The following TIGD5 variants were observed in gnomAD, a reference collection of about 807,000 sequenced individuals.
The protein encoded by TIGD5 is tigger transposable element derived 5, also known as tigger transposable element-derived protein 5.
A neutral mutation model predicts 28.8 loss-of-function variants in TIGD5; 24 were observed. The ratio of observed to expected loss-of-function variants is 0.83; its 90% CI spans 0.60 to 1.17. The LOEUF is 1.17. Among genes scored for constraint, TIGD5 ranks in the 50% most tolerant of loss-of-function variants. The pLI is 0.00. For missense variants in TIGD5, 922 were observed against 911.4 expected (o/e 1.01, Z -0.15); for synonymous variants, 538 against 430.5 (o/e 1.25, Z -3.09).
chr8:143,599,380 A>G lies in TIGD5; in HGVS notation c.1477A>G (p.Ser493Gly). ...CTTCGAGCCCCGGCCCGGCGAGGAC[A>G]GTGCTGGGCAGCCGGCCCAGGCCGA... ...AAFEPRPGED[S>G]AGQPAQAEEA... The change falls in exon 1 of 1, where the codon AGT becomes GGT. Residue 493 changes from serine to glycine, a missense_variant. Coordinates refer to ENST00000504548, the MANE Select transcript of TIGD5 (RefSeq NM_032862.5). 2 of 1,569,800 alleles carry G rather than the reference A, an allele frequency of 1.3e-6. No homozygotes were observed. The highest frequency in any genetic ancestry group is 2.4e-5 in the East Asian group (1 of 42,248).
rs1829250237 is a variant in TIGD5 at position 143,600,907 on chromosome 8, GCCT to G, written c.*1080_*1082del. Reference sequence around the variant, plus strand: ...TTGGACTGGGGCCAGGGATGCCCATGCCTCCTCAGGTAGGGTGGGAACTGCCTT... The same window carrying G: ...TTGGACTGGGGCCAGGGATGCCCATGCCTCAGGTAGGGTGGGAACTGCCTT... On this transcript the variant is annotated 3_prime_UTR_variant, in exon 1 of 1. Coordinates refer to ENST00000504548, the MANE Select transcript of TIGD5 (RefSeq NM_032862.5). 6.6e-6 allele frequency: 1 copy of G among 152,554 alleles called. No individual in the cohort carries two copies. Among genetic ancestry groups the G allele is most frequent in the Admixed American group, 6.5e-5 (1 of 15,296 alleles). The allele number at this position is 152,554 out of a possible 1,614,324, so 9.5% of individuals were successfully genotyped here. A position where few individuals can be genotyped will look rare whatever the true frequency, so the allele number is the denominator to read the frequency against.
Position 143,598,292 on chromosome 8 carries a change from C to T in TIGD5, c.389C>T (p.Ala130Val). ...NEEEIDRAVY[A>V]WFLALRQHGV... The stretch of plus-strand genomic sequence containing the variant: ...GAGGAGATCGACCGCGCCGTGTACG[C>T]CTGGTTCCTGGCGCTGCGCCAGCAC... Residue 130 changes from alanine to valine, a missense_variant, in exon 1 of 1, where the codon GCC becomes GTC. Transcript: ENST00000504548. The surrounding 1 kb of genome is among the most constrained non-coding windows in gnomAD (Gnocchi z 6.6). 6.2e-7 allele frequency: 1 copy of T among 1,609,628 alleles called. No individual in the cohort carries two copies. The highest frequency in any genetic ancestry group is 8.5e-7 in the Non-Finnish European group (1 of 1,178,714).
chr8:143,597,890 C>T lies in TIGD5; in HGVS notation c.-14C>T, dbSNP rs1035192311. On this transcript the variant is annotated 5_prime_UTR_variant, in exon 1 of 1. Transcript: ENST00000504548. ...CCCGCGACCCGCGCGGCCCGGGTCC[C>T]CCCCGCCGCAGCCATGTACCCCGCG... The T allele has an allele frequency of 9.6e-5, 81 of 844,474 alleles. No homozygotes were observed. The Admixed American group carries it at 1.3e-3, about 14-fold the overall frequency. The allele number at this position is 844,474 out of a possible 1,614,324, so 52.3% of individuals were successfully genotyped here.
At position 143,598,933 on chromosome 8, in the gene TIGD5, C is replaced by T. The variant is rs1315431778; in HGVS notation, c.1030C>T (p.Leu344=). 5 of 1,591,270 alleles carry T rather than the reference C, an allele frequency of 3.1e-6. No individual in the cohort carries two copies. Among genetic ancestry groups the T allele is most frequent in the East Asian group, 2.2e-5 (1 of 44,530 alleles). ...EEFVPGVKRY[L]RRSCLQQKAV... ...ATTTGTCCCAGGCGTCAAACGCTAC[C>T]TGCGCCGAAGCTGCCTGCAGCAGAA... Residue 344 remains leucine, a synonymous_variant, in exon 1 of 1, where the codon CTG becomes TTG. Transcript: ENST00000504548. The surrounding 1 kb of genome is among the most constrained non-coding windows in gnomAD (Gnocchi z 6.6).
chr8:143,601,561 TGTC>T lies in TIGD5; in HGVS notation c.*1730_*1732del, dbSNP rs1829263258. The T allele has an allele frequency of 6.6e-6, 1 of 152,316 alleles. No individual in the cohort carries two copies. The highest frequency in any genetic ancestry group is 2.1e-4 in the South Asian group (1 of 4,840). 9.4% of individuals were successfully genotyped at this position (152,316 alleles called of 1,614,324 possible). A position where few individuals can be genotyped will look rare whatever the true frequency, so the allele number is the denominator to read the frequency against. ...CAGTGAGGGCTGCATAGCCAGGCCT[TGTC>T]TGTAGTCTGGGCGGCCCGTGGCGCT... On this transcript the variant is annotated 3_prime_UTR_variant, in exon 1 of 1. Transcript: ENST00000504548.
chr8:143,598,281 C>T lies in TIGD5; in HGVS notation c.378C>T (p.Arg126=). Residue 126 remains arginine, a synonymous_variant, in exon 1 of 1, where the codon CGC becomes CGT. Coordinates refer to ENST00000504548, the MANE Select transcript of TIGD5 (RefSeq NM_032862.5). This position sits in a 1 kb window ranked among gnomAD's most constrained non-coding sequence, Gnocchi z 6.6. ...MRLANEEEID[R]AVYAWFLALR... is the part of the protein sequence containing the mutation. ...TGGCCAACGAGGAGGAGATCGACCG[C>T]GCCGTGTACGCCTGGTTCCTGGCGC... is the stretch of plus-strand genomic sequence containing the variant. 6.2e-7 allele frequency: 1 copy of T among 1,609,702 alleles called. No individual in the cohort carries two copies. The highest frequency in any genetic ancestry group is 8.5e-7 in the Non-Finnish European group (1 of 1,178,714).
rs772462744 is a variant in TIGD5, at chr8:143,598,803, G to T, written c.900G>T (p.Pro300=). The T allele has an allele frequency of 1.9e-6, 3 of 1,599,550 alleles. No homozygotes were observed. Among genetic ancestry groups the T allele is most frequent in the Non-Finnish European group, 1.7e-6 (2 of 1,179,168 alleles). ...KPLVIGRLPD[P]PSLRHHNQDK... is the part of the protein sequence containing the mutation. ...TGGTCATCGGGCGGCTGCCGGACCC[G>T]CCCAGCCTGCGCCACCACAACCAGG... Residue 300 remains proline (P), a synonymous_variant, in exon 1 of 1, where the codon CCG becomes CCT. Transcript: ENST00000504548. The surrounding 1 kb of genome is among the most constrained non-coding windows in gnomAD (Gnocchi z 6.6).
Position 143,599,529 on chromosome 8 carries a change from C to A in TIGD5, c.1626C>A (p.Pro542=). ...WLHLDDDGGP[P]EGCREEVGPA... ...ACCTGGACGATGATGGGGGTCCGCCCGAGGGCTGCAGGGAGGAGGTGGGCC... is the reference window on the plus strand; with the variant it reads ...ACCTGGACGATGATGGGGGTCCGCCAGAGGGCTGCAGGGAGGAGGTGGGCC... Residue 542 remains proline (P), a synonymous_variant, in exon 1 of 1, where the codon CCC becomes CCA. Transcript: ENST00000504548. 1.9e-6 allele frequency: 3 copies of A among 1,581,850 alleles called. No homozygotes were observed. The highest frequency in any genetic ancestry group is 2.6e-6 in the Non-Finnish European group (3 of 1,165,480).
At position 143,598,302 on chromosome 8, in the gene TIGD5, G is replaced by T; in HGVS notation, c.399G>T (p.Leu133=). 1 of 1,609,434 alleles carries T rather than the reference G, an allele frequency of 6.2e-7. No individual in the cohort carries two copies. The highest frequency in any genetic ancestry group is 1.1e-5 in the South Asian group (1 of 90,838). The change falls in exon 1 of 1, where the codon CTG becomes CTT. Residue 133 remains leucine (L), a synonymous_variant. Coordinates refer to ENST00000504548, the MANE Select transcript of TIGD5 (RefSeq NM_032862.5). The surrounding 1 kb of genome is among the most constrained non-coding windows in gnomAD (Gnocchi z 6.6). ...EIDRAVYAWF[L]ALRQHGVPLS... ...ACCGCGCCGTGTACGCCTGGTTCCT[G>T]GCGCTGCGCCAGCACGGGGTGCCGC...
chr8:143,602,010 T>C lies in TIGD5; in HGVS notation c.*2178T>C, dbSNP rs1829272175. ...ACTCAGGAGGCTGAGGCACGAGAAA[T>C]GCTTGAAGCCAGAAGGCAGAGATTG... On this transcript the variant is annotated 3_prime_UTR_variant, in exon 1 of 1. Transcript: ENST00000504548. 6.6e-6 allele frequency: 1 copy of C among 150,518 alleles called. No homozygotes were observed. Among genetic ancestry groups the C allele is most frequent in the African/African-American group, 2.5e-5 (1 of 40,696 alleles). The allele number at this position is 150,518 out of a possible 1,614,324, so 9.3% of individuals were successfully genotyped here.
Position 143,598,041 on chromosome 8 carries a change from G to A in TIGD5, c.138G>A (p.Val46=). Reference sequence around the variant, plus strand: ...CCGCGCCCGGGCCGCGGCCCCGCGTGGCCGTGAAGATGGCCTTCCGCAAGG... The same window carrying A: ...CCGCGCCCGGGCCGCGGCCCCGCGTAGCCGTGAAGATGGCCTTCCGCAAGG... ...PPPAPGPRPR[V]AVKMAFRKAY... The change falls in exon 1 of 1, where the codon GTG becomes GTA. Residue 46 remains valine (V), a synonymous_variant. Transcript: ENST00000504548. The surrounding 1 kb of genome is among the most constrained non-coding windows in gnomAD (Gnocchi z 6.6). 3.0e-6 allele frequency: 4 copies of A among 1,346,884 alleles called. No individual in the cohort carries two copies. Among genetic ancestry groups the A allele is most frequent in the Non-Finnish European group, 3.8e-6 (4 of 1,051,146 alleles). The allele number at this position is 1,346,884 out of a possible 1,614,324, so 83.4% of individuals were successfully genotyped here.
rs763387113 is a variant in TIGD5, at chr8:143,599,538, C to T, written c.1635C>T (p.Cys545=). 1 of 1,578,584 alleles carries T rather than the reference C, an allele frequency of 6.3e-7. No homozygotes were observed. Among genetic ancestry groups the T allele is most frequent in the South Asian group, 1.2e-5 (1 of 86,842 alleles). ...ATGATGGGGGTCCGCCCGAGGGCTG[C>T]AGGGAGGAGGTGGGCCCAGCCCTGC... The part of the protein sequence containing the change: ...LDDDGGPPEG[C]REEVGPALPP... The change falls in exon 1 of 1, where the codon TGC becomes TGT. Residue 545 remains cysteine (C), a synonymous_variant. Coordinates refer to ENST00000504548, the MANE Select transcript of TIGD5 (RefSeq NM_032862.5).
chr8:143,597,839 C>T lies in TIGD5; in HGVS notation c.-65C>T. ...CGTGCGGCCCCGCCCCCGAGTGCCCCGCCCCGAGCGGCTGGGCGTGTGGCT... is the reference window on the plus strand; with the variant it reads ...CGTGCGGCCCCGCCCCCGAGTGCCCTGCCCCGAGCGGCTGGGCGTGTGGCT... On this transcript the variant is annotated 5_prime_UTR_variant, in exon 1 of 1. Transcript: ENST00000504548. The T allele has an allele frequency of 2.8e-6, 1 of 359,162 alleles. No individual in the cohort carries two copies. Among genetic ancestry groups the T allele is most frequent in the Non-Finnish European group, 3.9e-6 (1 of 259,730 alleles). 22.2% of individuals were successfully genotyped at this position (359,162 alleles called of 1,614,324 possible).
chr8:143,599,022 C>T lies in TIGD5; in HGVS notation c.1119C>T (p.Asp373=), dbSNP rs774507018. ...PSPAASMPAL[D]SEDAPVRCRP... ...CAGCTGCCAGTATGCCCGCCCTGGA[C>T]AGCGAGGATGCCCCCGTGCGGTGCA... Residue 373 remains aspartate, a synonymous_variant, in exon 1 of 1, where the codon GAC becomes GAT. Transcript: ENST00000504548. 4.5e-6 allele frequency: 7 copies of T among 1,572,624 alleles called. No homozygotes were observed. Among genetic ancestry groups the T allele is most frequent in the African/African-American group, 1.3e-5 (1 of 74,436 alleles).
In TIGD5 at chr8:143,599,050, C is replaced by T; in HGVS notation, c.1147C>T (p.Pro383Ser). The T allele has an allele frequency of 1.3e-6, 2 of 1,570,408 alleles. No individual in the cohort carries two copies. The highest frequency in any genetic ancestry group is 8.6e-7 in the Non-Finnish European group (1 of 1,163,126). Residue 383 changes from proline to serine, a missense_variant, in exon 1 of 1, where the codon CCG (proline) becomes TCG (serine). Physicochemically the swap from Pro to Ser is moderately conservative, Grantham distance 74. Transcript: ENST00000504548. ...DSEDAPVRCRPEPLGPPEELQ... is the reference protein window; with the variant it reads ...DSEDAPVRCRSEPLGPPEELQ... The stretch of plus-strand genomic sequence containing the variant: ...CGAGGATGCCCCCGTGCGGTGCAGG[C>T]CGGAGCCCCTCGGTCCCCCGGAGGA...
Position 143,598,870 on chromosome 8 carries a change from C to T in TIGD5, c.967C>T (p.Leu323Phe), listed in dbSNP as rs759692934. Residue 323 changes from leucine to phenylalanine, a missense_variant, in exon 1 of 1, where the codon CTC (leucine) becomes TTC (phenylalanine). Around this residue, in one of 3 missense-constraint regions of TIGD5, gnomAD observed 821 missense variants for 815.2 expected, o/e 1.01. Transcript: ENST00000504548. This position sits in a 1 kb window ranked among gnomAD's most constrained non-coding sequence, Gnocchi z 6.6. ...ASYRYSPDAW[L>F]SRPLLRGWFF... ...CTACCGCTACAGCCCCGACGCCTGG[C>T]TCAGCCGCCCGCTGCTGCGGGGCTG... is the stretch of plus-strand genomic sequence containing the variant. The T allele has an allele frequency of 3.1e-6, 5 of 1,599,876 alleles. No individual in the cohort carries two copies. The highest frequency in any genetic ancestry group is 1.6e-4 in the Middle Eastern group (1 of 6,082).
Position 143,601,571 on chromosome 8 carries a change from C to T in TIGD5, c.*1739C>T, listed in dbSNP as rs1829263327. On this transcript the variant is annotated 3_prime_UTR_variant, in exon 1 of 1. Transcript: ENST00000504548. ...TGCATAGCCAGGCCTTGTCTGTAGTCTGGGCGGCCCGTGGCGCTGCCCTTC... is the reference window on the plus strand; with the variant it reads ...TGCATAGCCAGGCCTTGTCTGTAGTTTGGGCGGCCCGTGGCGCTGCCCTTC... The T allele has an allele frequency of 6.6e-6, 1 of 152,328 alleles. No homozygotes were observed. The highest frequency in any genetic ancestry group is 1.5e-5 in the Non-Finnish European group (1 of 68,072). The allele number at this position is 152,328 out of a possible 1,614,324, so 9.4% of individuals were successfully genotyped here. A position where few individuals can be genotyped will look rare whatever the true frequency, so the allele number is the denominator to read the frequency against.
rs1263115495 is a variant in TIGD5 at position 143,602,616 on chromosome 8, GGCTCTGGCCTCC to G, written c.*2793_*2804del. 1.3e-5 allele frequency: 2 copies of G among 152,298 alleles called. No homozygotes were observed. The highest frequency in any genetic ancestry group is 6.5e-5 in the Admixed American group (1 of 15,290). The allele number at this position is 152,298 out of a possible 1,614,324, so 9.4% of individuals were successfully genotyped here. On this transcript the variant is annotated 3_prime_UTR_variant, in exon 1 of 1. Coordinates refer to ENST00000504548, the MANE Select transcript of TIGD5 (RefSeq NM_032862.5). ...CCTCTAACAGCCGTGGCTGCCTGCG[GGCTCTGGCCTCC>G]GCTCTGGCAGATTCTGCACATTCCC...
At position 143,600,816 on chromosome 8, in the gene TIGD5, C is replaced by T. The variant is rs1021065681; in HGVS notation, c.*984C>T. On this transcript the variant is annotated 3_prime_UTR_variant, in exon 1 of 1. Transcript: ENST00000504548. ...GGCCTACTTTGAAAGGAGGAAAGGGCCCCAGGGCCTGTCAAACCCTGGTTC... is the reference window on the plus strand; with the variant it reads ...GGCCTACTTTGAAAGGAGGAAAGGGTCCCAGGGCCTGTCAAACCCTGGTTC... The T allele has an allele frequency of 6.6e-6, 1 of 152,320 alleles. No homozygotes were observed. The highest frequency in any genetic ancestry group is 6.5e-5 in the Admixed American group (1 of 15,290). The allele number at this position is 152,320 out of a possible 1,614,324, so 9.4% of individuals were successfully genotyped here. A position where few individuals can be genotyped will look rare whatever the true frequency, so the allele number is the denominator to read the frequency against.
Sources: allele counts gnomAD v4.1 joint callset, GRCh38; gene constraint gnomAD v4.1.1; regional missense constraint gnomAD v4.1.1; non-coding constraint Gnocchi (gnomAD v3.1); transcripts MANE v1.5; gene names NCBI Gene and HGNC (gene_info 2026-07-23, HGNC 2026-07-21).